The following ARK2N variants were observed in gnomAD, a reference collection of about 807,000 sequenced individuals.
ARK2N encodes the protein protein ARK2N.
At chr18:46,180,293 A>AT in the ARK2N span, among the ~76,000 whole-genome samples, 1 of 152,184 alleles carries the variant, frequency 6.6e-6, no homozygotes, top group South Asian at 2.1e-4. Context: ...TTAAGTGACA[A>AT]TTAATCTAAA....
At chr18:46,207,466 T>G in the ARK2N span, among the ~76,000 whole-genome samples, 1 of 148,818 alleles carries the variant, frequency 6.7e-6, no homozygotes. Flanking sequence ...CTCAGCTCAC[T>G]GCAACTTCTG....
the ARK2N span, among the ~76,000 whole-genome samples, chr18:46,260,358 C>G: frequency 3.3e-5 from 5 of 152,182 alleles, no homozygotes; most frequent in African/African-American, 7.2e-5. Flanking sequence ...GTTAGGAAAG[C>G]TTTTGACCGA....
the ARK2N span, among the ~76,000 whole-genome samples, chr18:46,211,420 C>T: frequency 6.6e-6 from 1 of 152,004 alleles, no homozygotes; most frequent in Non-Finnish European, 1.5e-5. Flanking sequence ...GTTGCCTAGG[C>T]TTGTTCCACT....
the ARK2N span, among the ~76,000 whole-genome samples, chr18:46,196,493 C>T: frequency 2.1e-5 from 3 of 145,968 alleles, no homozygotes; most frequent in Non-Finnish European, 4.5e-5. Flanking sequence ...GATCTCCTGA[C>T]CTCGTGATCC....
At chr18:46,221,590 G>A in the ARK2N span, among the ~76,000 whole-genome samples, 8 of 146,792 alleles carry the variant, frequency 5.4e-5, no homozygotes, top group Non-Finnish European at 7.5e-5. Context: ...ATGTTAATTT[G>A]CATTTCTTTG....
At chr18:46,212,071 A>C in the ARK2N span, among the ~76,000 whole-genome samples, 1 of 152,112 alleles carries the variant, frequency 6.6e-6, no homozygotes, top group Non-Finnish European at 1.5e-5. Flanking sequence ...GTTTAGTCAG[A>C]GCTTATATTT....
the ARK2N span, chr18:46,216,715 A>G: frequency 1.1e-6 from 1 of 886,216 alleles, no homozygotes; most frequent in African/African-American, 1.7e-5. This position sits in a 1 kb window ranked among gnomAD's most constrained non-coding sequence, Gnocchi z 4.3. Flanking sequence ...TGTAAATTTG[A>G]AGACTGCAGT....
the ARK2N span, among the ~76,000 whole-genome samples, chr18:46,224,968 G>A: frequency 6.6e-6 from 1 of 152,244 alleles, no homozygotes; most frequent in African/African-American, 2.4e-5. Flanking sequence ...GGAGTGCCCA[G>A]GGAAGTTACA....
the ARK2N span, among the ~76,000 whole-genome samples, chr18:46,262,572 G>A: frequency 3.9e-5 from 6 of 152,086 alleles, no homozygotes; most frequent in East Asian, 1.2e-3. Flanking sequence ...GATTGTTTGG[G>A]CATCTTAACT....
chr18:46,211,124 T>C, the ARK2N span, among the ~76,000 whole-genome samples: 1 of 152,194 alleles, frequency 6.6e-6, no homozygotes, highest in East Asian at 1.9e-4. Flanking sequence ...AAATATTAAG[T>C]AAAATTAGGG....
the ARK2N span, among the ~76,000 whole-genome samples, chr18:46,224,578 A>C: frequency 0.017 from 2,653 of 152,240 alleles, 71 homozygotes; most frequent in African/African-American, 0.06. Context: ...ATCTTAGAAG[A>C]CTTGGAGCCA....
chr18:46,264,480 C>T, the ARK2N span: 1 of 152,564 alleles, frequency 6.6e-6, no homozygotes, highest in African/African-American at 2.4e-5. Context: ...TCCATTGTTA[C>T]CGTTGCTATG....
At chr18:46,186,168 G>A in the ARK2N span, among the ~76,000 whole-genome samples, 1 of 150,944 alleles carries the variant, frequency 6.6e-6, no homozygotes, top group Non-Finnish European at 1.5e-5. Context: ...TATGGAGAGT[G>A]GTTTTTAAAG....
the ARK2N span, among the ~76,000 whole-genome samples, chr18:46,242,051 C>A: frequency 6.6e-6 from 1 of 152,184 alleles, no homozygotes; most frequent in East Asian, 1.9e-4. Context: ...TCAGATGATC[C>A]GCCTGCCTTG....
the ARK2N span, among the ~76,000 whole-genome samples, chr18:46,186,756 C>T: frequency 2.6e-5 from 4 of 152,138 alleles, no homozygotes; most frequent in East Asian, 5.8e-4. Context: ...GATCCGCCCA[C>T]CTCGGCCTCC....
chr18:46,228,751 T>C, the ARK2N span: 1 of 398,528 alleles, frequency 2.5e-6, no homozygotes, highest in Non-Finnish European at 4.4e-6. Flanking sequence ...TTATATATTT[T>C]GTAGGGACGG....
At chr18:46,244,844 G>A in the ARK2N span, among the ~76,000 whole-genome samples, 4 of 151,802 alleles carry the variant, frequency 2.6e-5, 1 homozygote, top group South Asian at 4.2e-4. Flanking sequence ...CCAGTGATCC[G>A]CCTGTCTTGG....
chr18:46,185,183 A>T, the ARK2N span, among the ~76,000 whole-genome samples: 1 of 152,358 alleles, frequency 6.6e-6, no homozygotes. Flanking sequence ...GATATTGATT[A>T]TGTGTTAGGA....
the ARK2N span, chr18:46,232,293 A>T: frequency 2.6e-5 from 4 of 152,218 alleles, no homozygotes; most frequent in Non-Finnish European, 5.9e-5. Context: ...GTTATCTTAC[A>T]AAAAGGTAGC....
Sources: gnomAD v4.1 joint callset for allele counts (sites outside exome capture counted in the v4.1 genomes callset) on GRCh38, gnomAD v4.1.1 for gene constraint, Gnocchi (gnomAD v3.1) non-coding constraint, MANE v1.5 for transcripts, NCBI Gene and HGNC (gene_info 2026-07-23, HGNC 2026-07-21) for gene names.